The following ZNF629 variants were observed in gnomAD, a reference collection of about 807,000 sequenced individuals.
The protein encoded by ZNF629 is DNA-binding protein.
Under a neutral mutation model 59.7 loss-of-function variants are expected in ZNF629, and 9 were observed. The ratio of observed to expected loss-of-function variants is 0.15; its 90% CI spans 0.09 to 0.26. ZNF629 has a LOEUF of 0.26. ZNF629 is among the 10% of genes least tolerant of loss of function. The pLI is 1.00. For missense variants in ZNF629, 853 were observed against 1,165.4 expected (o/e 0.73, Z 3.90); for synonymous variants, 509 against 498.9 (o/e 1.02, Z -0.27).
rs1034052518 is a variant in ZNF629, at chr16:30,779,145, A to G, written c.*2573T>C. 4 of 152,286 alleles carry G rather than the reference A, an allele frequency of 2.6e-5. No individual in the cohort carries two copies. The highest frequency in any genetic ancestry group is 5.9e-5 in the Non-Finnish European group (4 of 68,152). The allele number at this position is 152,286 out of a possible 1,614,324, so 9.4% of individuals were successfully genotyped here. A position where few individuals can be genotyped will look rare whatever the true frequency, so the allele number is the denominator to read the frequency against. On this transcript the variant is annotated 3_prime_UTR_variant, in exon 3 of 3. Coordinates refer to ENST00000262525, the MANE Select transcript of ZNF629 (RefSeq NM_001080417.3). ...TGCGCTCACATCATCCATCCCGTAC[A>G]AGAGCCAAGCCCCTTAGCCCTCACC... is the stretch of plus-strand genomic sequence containing the variant.
chr16:30,784,691 G>T (rs1363808161), intron 1 of ZNF629, among the ~76,000 whole-genome samples, 176 bp from the exon 2 acceptor site: 3 of 152,032 alleles, frequency 2.0e-5, no homozygotes, highest in Admixed American at 6.6e-5. Flanking sequence ...TCCCCTGCAG[G>T]CCTGATTCTC....
At position 30,784,528 on chromosome 16, in the gene ZNF629, A is replaced by G. The variant is rs2054315722; in HGVS notation, c.-33-13T>C. 6.7e-7 allele frequency: 1 copy of G among 1,497,890 alleles called. No homozygotes were observed. Among genetic ancestry groups the G allele is most frequent in the African/African-American group, 1.4e-5 (1 of 71,358 alleles). The allele number at this position is 1,497,890 out of a possible 1,614,324, so 92.8% of individuals were successfully genotyped here. A position where few individuals can be genotyped will look rare whatever the true frequency, so the allele number is the denominator to read the frequency against. ...TGTTCCAGGGACCCTGCGGGGGAAG[A>G]CAGCGATGAGCGCACACTGGGAGCT... On this transcript the variant is annotated splice_polypyrimidine_tract_variant and intron_variant, in intron 1 of 2. Transcript: ENST00000262525.
Position 30,782,688 on chromosome 16 carries a change from T to TG in ZNF629, c.1639dup (p.Gln547ProfsTer96), listed in dbSNP as rs769337632. On this transcript the variant is annotated frameshift_variant, in exon 3 of 3. Coordinates refer to ENST00000262525, the MANE Select transcript of ZNF629 (RefSeq NM_001080417.3). LOFTEE classifies it high-confidence loss of function. The stretch of plus-strand genomic sequence containing the variant: ...CCCGAGCCCCAGCAGGCTGTCGCCC[T>TG]GGGCCCTACGCGCTGGGGTCTTCCC... The TG allele has an allele frequency of 6.2e-7, 1 of 1,606,598 alleles. No homozygotes were observed. Among genetic ancestry groups the TG allele is most frequent in the South Asian group, 1.1e-5 (1 of 90,262 alleles).
Position 30,783,365 on chromosome 16 carries a change from G to C in ZNF629, c.963C>G (p.Thr321=), listed in dbSNP as rs752372003. Residue 321 remains threonine, a synonymous_variant, in exon 3 of 3, where the codon ACC becomes ACG. Transcript: ENST00000262525. The part of the protein sequence containing the change: ...IHAGEKPYRC[T]ECGKSFIQSS... ...TCTGGATGAAGCTCTTCCCGCACTC[G>C]GTGCAGCGGTATGGCTTCTCGCCCG... 6.2e-7 allele frequency: 1 copy of C among 1,613,364 alleles called. No homozygotes were observed. The highest frequency in any genetic ancestry group is 8.5e-7 in the Non-Finnish European group (1 of 1,179,870).
Position 30,779,876 on chromosome 16 carries a change from C to T in ZNF629, c.*1842G>A, listed in dbSNP as rs1297340062. The stretch of plus-strand genomic sequence containing the variant: ...CATTACTGGGGTTGGCAAGCACTTC[C>T]TTTCTGACCCAGCGCTGAGCAGAGT... On this transcript the variant is annotated 3_prime_UTR_variant, in exon 3 of 3. Transcript: ENST00000262525. 2 of 152,222 alleles carry T rather than the reference C, an allele frequency of 1.3e-5. No homozygotes were observed. The highest frequency in any genetic ancestry group is 3.8e-4 in the East Asian group (2 of 5,196). 9.4% of individuals were successfully genotyped at this position (152,222 alleles called of 1,614,324 possible). A position where few individuals can be genotyped will look rare whatever the true frequency, so the allele number is the denominator to read the frequency against.
Position 30,781,529 on chromosome 16 carries a change from C to T in ZNF629, c.*189G>A, listed in dbSNP as rs1196672033. 2.1e-6 allele frequency: 1 copy of T among 482,792 alleles called. No individual in the cohort carries two copies. The highest frequency in any genetic ancestry group is 3.4e-6 in the Non-Finnish European group (1 of 290,110). The allele number at this position is 482,792 out of a possible 1,614,324, so 29.9% of individuals were successfully genotyped here. A position where few individuals can be genotyped will look rare whatever the true frequency, so the allele number is the denominator to read the frequency against. On this transcript the variant is annotated 3_prime_UTR_variant, in exon 3 of 3. Coordinates refer to ENST00000262525, the MANE Select transcript of ZNF629 (RefSeq NM_001080417.3). The stretch of plus-strand genomic sequence containing the variant: ...GTTTTTCTCTACTGCCTTATAAGTG[C>T]TTCCCACCAACAATTTTATAGGGTT...
At chr16:30,784,935 T>C (rs1420023997) in intron 1 of ZNF629, among the ~76,000 whole-genome samples, 2 of 152,024 alleles carry the variant, frequency 1.3e-5, no homozygotes, top group African/African-American at 2.4e-5. Flanking sequence ...GGGCTGCTAA[T>C]TGAGACCAAT....
chr16:30,785,002 GA>G (rs200197867), intron 1 of ZNF629, among the ~76,000 whole-genome samples: 239 of 150,620 alleles, frequency 1.6e-3, no homozygotes, highest in Admixed American at 3.7e-3. Context: ...AAAGGGTTAA[GA>G]AAAAAAAACA....
At chr16:30,785,401 G>C (rs1020358860) in intron 1 of ZNF629, among the ~76,000 whole-genome samples, 4 of 152,198 alleles carry the variant, frequency 2.6e-5, no homozygotes, top group African/African-American at 4.8e-5. Flanking sequence ...CCCTGTCTCT[G>C]AGAGCACGAG....
rs2054255497 is a variant in ZNF629, at chr16:30,778,649, C to G, written c.*3069G>C. 1 of 152,686 alleles carries G rather than the reference C, an allele frequency of 6.5e-6. No individual in the cohort carries two copies. The highest frequency in any genetic ancestry group is 2.4e-5 in the African/African-American group (1 of 41,434). The allele number at this position is 152,686 out of a possible 1,614,324, so 9.5% of individuals were successfully genotyped here. On this transcript the variant is annotated 3_prime_UTR_variant, in exon 3 of 3. Transcript: ENST00000262525. ...CTCAGGGCAGGTCATGGAACCCCAC[C>G]TCTTGGCTGTGATGGCTTCAAGTTT...
At chr16:30,785,748 ATGAG>A (rs2054325963) in intron 1 of ZNF629, among the ~76,000 whole-genome samples, 1 of 152,020 alleles carries the variant, frequency 6.6e-6, no homozygotes, top group Non-Finnish European at 1.5e-5. Context: ...GAATGAATGA[ATGAG>A]TGAGATGTCC....
rs775710323 is a variant in ZNF629 at position 30,784,426 on chromosome 16, G to A, written c.57C>T (p.Pro19=). ...GPDLQGPEQS[P]NDAHRGAESE... is the part of the protein sequence containing the mutation. Reference sequence around the variant, plus strand: ...GCCCCTCACCTCTGTGAGCATCGTTGGGGCTCTGTTCCGGACCCTGCAGAT... The same window carrying A: ...GCCCCTCACCTCTGTGAGCATCGTTAGGGCTCTGTTCCGGACCCTGCAGAT... The change falls in exon 2 of 3, where the codon CCC becomes CCT. Residue 19 remains proline, a synonymous_variant. Transcript: ENST00000262525. The A allele has an allele frequency of 6.4e-6, 10 of 1,568,026 alleles. No individual in the cohort carries two copies. In the East Asian group the frequency reaches 2.1e-4, roughly 33 times the overall value.
rs1253096391 is a variant in ZNF629, at chr16:30,781,219, G to C, written c.*499C>G. The C allele has an allele frequency of 6.6e-6, 1 of 152,626 alleles. No individual in the cohort carries two copies. Among genetic ancestry groups the C allele is most frequent in the African/African-American group, 2.4e-5 (1 of 41,434 alleles). The allele number at this position is 152,626 out of a possible 1,614,324, so 9.5% of individuals were successfully genotyped here. A position where few individuals can be genotyped will look rare whatever the true frequency, so the allele number is the denominator to read the frequency against. On this transcript the variant is annotated 3_prime_UTR_variant, in exon 3 of 3. Transcript: ENST00000262525. ...CTGAGCATCTTCCTCCATGAGAACT[G>C]TCCAGGGCTGCTGGGAGAGAACATT...
rs200098854 is a variant in ZNF629, at chr16:30,782,524, C to A, written c.1804G>T (p.Gly602Cys). 3.8e-6 allele frequency: 6 copies of A among 1,562,352 alleles called. No homozygotes were observed. The highest frequency in any genetic ancestry group is 1.2e-5 in the South Asian group (1 of 85,142). The change falls in exon 3 of 3, where the codon GGC becomes TGC. Residue 602 changes from glycine (G) to cysteine (C), a missense_variant. Transcript: ENST00000262525. The part of the protein sequence containing the change: ...IGENPYKNAD[G>C]LIAHAAPKPP... ...TTGGGGGCTGCGTGTGCGATGAGGC[C>A]GTCTGCATTTTTGTAGGGGTTTTCT...
At position 30,782,351 on chromosome 16, in the gene ZNF629, G is replaced by C; in HGVS notation, c.1977C>G (p.Ser659=). The change falls in exon 3 of 3, where the codon TCC becomes TCG. Residue 659 remains serine (S), a synonymous_variant. Transcript: ENST00000262525. The stretch of plus-strand genomic sequence containing the variant: ...CGCAGTGGGAGCAGATGTAGGTCTT[G>C]GAGGACAGCAGCCCCCGCCTCTGGC... The part of the protein sequence containing the change: ...GFSQRRGLLS[S]KTYICSHCGE... The C allele has an allele frequency of 1.3e-6, 2 of 1,583,482 alleles. No individual in the cohort carries two copies. The highest frequency in any genetic ancestry group is 1.7e-6 in the Non-Finnish European group (2 of 1,163,382).
In ZNF629 at chr16:30,782,459, C is replaced by A. The variant is rs1185199364; in HGVS notation, c.1869G>T (p.Gly623=). Residue 623 remains glycine, a synonymous_variant, in exon 3 of 3, where the codon GGG becomes GGT. Coordinates refer to ENST00000262525, the MANE Select transcript of ZNF629 (RefSeq NM_001080417.3). ...QLRSPRLPFR[G]NSYPGAAEGR... ...CCTCCGCAGCCCCGGGGTAGGAATT[C>A]CCTCTGAAAGGGAGCCTTGGGGATC... is the stretch of plus-strand genomic sequence containing the variant. 6.4e-7 allele frequency: 1 copy of A among 1,567,856 alleles called. No homozygotes were observed. The highest frequency in any genetic ancestry group is 8.7e-7 in the Non-Finnish European group (1 of 1,155,912).
Position 30,782,421 on chromosome 16 carries a change from GCCT to G in ZNF629, c.1904_1906del (p.Glu635del), listed in dbSNP as rs2054290677. ...CGGCGGCTTAAGGGGCTGTCCGGGG[GCCT>G]CCGCTCTGCCCTCCGCAGCCCCGGG... On this transcript the variant is annotated inframe_deletion, in exon 3 of 3. Coordinates refer to ENST00000262525, the MANE Select transcript of ZNF629 (RefSeq NM_001080417.3). 1 of 1,566,526 alleles carries G rather than the reference GCCT, an allele frequency of 6.4e-7. No individual in the cohort carries two copies. The highest frequency in any genetic ancestry group is 1.9e-5 in the Admixed American group (1 of 52,642).
chr16:30,781,607 C>T lies in ZNF629; in HGVS notation c.*111G>A, dbSNP rs2054281162. 5.4e-6 allele frequency: 6 copies of T among 1,120,518 alleles called. No individual in the cohort carries two copies. The South Asian group carries it at 1.2e-4, about 22-fold the overall frequency. The allele number at this position is 1,120,518 out of a possible 1,614,324, so 69.4% of individuals were successfully genotyped here. ...TTTTCCCAGGGTTCTTTCTCCTCCACTCCACTACCATCTGATAGGGTTATC... is the reference window on the plus strand; with the variant it reads ...TTTTCCCAGGGTTCTTTCTCCTCCATTCCACTACCATCTGATAGGGTTATC... On this transcript the variant is annotated 3_prime_UTR_variant, in exon 3 of 3. Transcript: ENST00000262525.
Position 30,782,323 on chromosome 16 carries a change from C to T in ZNF629, c.2005G>A (p.Glu669Lys). 6.2e-7 allele frequency: 1 copy of T among 1,605,540 alleles called. No individual in the cohort carries two copies. Among genetic ancestry groups the T allele is most frequent in the African/African-American group, 1.3e-5 (1 of 74,890 alleles). Residue 669 changes from glutamate (E) to lysine (K), a missense_variant, in exon 3 of 3, where the codon GAG becomes AAG. Glu to Lys is a moderately conservative substitution (Grantham distance 56). Coordinates refer to ENST00000262525, the MANE Select transcript of ZNF629 (RefSeq NM_001080417.3). ...AGCACAGAGCGATCCAGGAAGCTCT[C>T]TCCGCAGTGGGAGCAGATGTAGGTC... ...SKTYICSHCG[E>K]SFLDRSVLLQ... is the part of the protein sequence containing the mutation.
Sources: gnomAD v4.1 joint callset for allele counts (sites outside exome capture counted in the v4.1 genomes callset) on GRCh38, gnomAD v4.1.1 for gene constraint, MANE v1.5 for transcripts, NCBI Gene and HGNC (gene_info 2026-07-23, HGNC 2026-07-21) for gene names.